ADAMTS16: variants seen among roughly 807,000 people sequenced by gnomAD.
The protein encoded by ADAMTS16 is A disintegrin and metalloproteinase with thrombospondin motifs 16.
In ADAMTS16, 94 loss-of-function variants were observed where a neutral mutation model predicts 145.8. The ratio of observed to expected loss-of-function variants is 0.64; its 90% confidence interval spans 0.55 to 0.77. ADAMTS16 has a LOEUF of 0.77. Among genes scored for constraint, ADAMTS16 ranks in the 30% least tolerant of loss-of-function variants. The pLI is 0.00. For missense variants in ADAMTS16, 1,585 were observed against 1,591.5 expected (o/e 1.00, Z 0.07); for synonymous variants, 659 against 604.3 (o/e 1.09, Z -1.33).
chr5:5,180,852 T>A (rs1489438707), intron 3 of ADAMTS16, among the ~76,000 whole-genome samples: 1 of 152,220 alleles, frequency 6.6e-6, no homozygotes, highest in African/African-American at 2.4e-5. Flanking sequence ...AAGGGGGCAC[T>A]GATGCCTTAC....
intron 3 of ADAMTS16, among the ~76,000 whole-genome samples, chr5:5,173,807 G>T (rs562523102): frequency 2.2e-4 from 34 of 152,240 alleles, no homozygotes; most frequent in Non-Finnish European, 1.9e-4. Context: ...AACAAACTAA[G>T]AAACAAGTAA....
At chr5:5,293,831 G>A (rs891856998) in intron 18 of ADAMTS16, among the ~76,000 whole-genome samples, 1 of 152,198 alleles carries the variant, frequency 6.6e-6, no homozygotes, top group South Asian at 2.1e-4. Flanking sequence ...CGTAAAGGAA[G>A]CAACACCAGA....
chr5:5,311,543 GCTC>G (rs1369796242), intron 21 of ADAMTS16, among the ~76,000 whole-genome samples: 1 of 100,318 alleles, frequency 1.0e-5, no homozygotes, highest in Non-Finnish European at 1.8e-5. Context: ...GTATTAGTCT[GCTC>G]CTTTTTTTTT....
At chr5:5,303,504 G>A (rs929935205) in intron 19 of ADAMTS16, 35 bp downstream of exon 19, 3 of 1,607,392 alleles carry the variant, frequency 1.9e-6, no homozygotes, top group African/African-American at 1.3e-5. Flanking sequence ...GTGGCAGCAG[G>A]GCCCCTGCAT....
intron 11 of ADAMTS16, among the ~76,000 whole-genome samples, chr5:5,228,782 T>G (rs143256662): frequency 3.5e-4 from 53 of 152,358 alleles, no homozygotes; most frequent in African/African-American, 7.9e-4. Flanking sequence ...CGTGCTAGCA[T>G]TCTTAGATAT....
chr5:5,240,038 A>C, intron 16 of ADAMTS16, 113 bp downstream of exon 16: 1 of 1,484,122 alleles, frequency 6.7e-7, no homozygotes, highest in Non-Finnish European at 9.0e-7. Context: ...TTATAAAAAG[A>C]GTGATCCATC....
At chr5:5,214,139 C>G (rs1453514282) in intron 10 of ADAMTS16, among the ~76,000 whole-genome samples, 1 of 152,194 alleles carries the variant, frequency 6.6e-6, no homozygotes, top group Non-Finnish European at 1.5e-5. Context: ...TCGAGCATCA[C>G]AGTACTGTGT....
At chr5:5,191,995 CT>C (rs72647750) in intron 8 of ADAMTS16, among the ~76,000 whole-genome samples, 24,008 of 152,086 alleles carry the variant, frequency 0.16, 2,087 homozygotes, top group Middle Eastern at 0.21. Context: ...TATTTATTTA[CT>C]TTATTTTGAG....
intron 14 of ADAMTS16, among the ~76,000 whole-genome samples, chr5:5,237,322 G>A (rs1369604315): frequency 6.6e-6 from 1 of 152,210 alleles, no homozygotes; most frequent in Non-Finnish European, 1.5e-5. Context: ...TTCTGTCTTA[G>A]ATATGGGTCT....
intron 18 of ADAMTS16, among the ~76,000 whole-genome samples, chr5:5,281,058 TC>T (rs1738886794): frequency 6.6e-6 from 1 of 152,240 alleles, no homozygotes; most frequent in Non-Finnish European, 1.5e-5. Context: ...TAATGACAGT[TC>T]TTTAAAAAGA....
At chr5:5,313,879 C>A (rs1171111040) in intron 21 of ADAMTS16, among the ~76,000 whole-genome samples, 1 of 152,242 alleles carries the variant, frequency 6.6e-6, no homozygotes, top group Non-Finnish European at 1.5e-5. Context: ...GAACCCTGAT[C>A]TAGTCTCCCA....
chr5:5,155,947 G>C (rs148123354), intron 3 of ADAMTS16, among the ~76,000 whole-genome samples: 1 of 152,232 alleles, frequency 6.6e-6, no homozygotes, highest in East Asian at 1.9e-4. Flanking sequence ...CAGAAAGTGA[G>C]GAGGCAGATA....
chr5:5,191,556 T>C, intron 7 of ADAMTS16, 129 bp from the exon 8 acceptor site: 1 of 732,908 alleles, frequency 1.4e-6, no homozygotes, highest in Non-Finnish European at 2.3e-6. Context: ...GTTGTCTAAG[T>C]GTTTCCCATT....
At chr5:5,246,128 T>A in intron 17 of ADAMTS16, among the ~76,000 whole-genome samples, 1 of 152,210 alleles carries the variant, frequency 6.6e-6, no homozygotes, top group East Asian at 1.9e-4. Context: ...TTATATACGC[T>A]GTCATCTTTT....
chr5:5,251,544 A>G (rs1002644100), intron 17 of ADAMTS16, among the ~76,000 whole-genome samples: 2 of 152,244 alleles, frequency 1.3e-5, no homozygotes, highest in Admixed American at 6.5e-5. Context: ...TTCTGTTGGG[A>G]AAACCCTGAC....
At chr5:5,267,802 AG>A (rs965540223) in intron 18 of ADAMTS16, among the ~76,000 whole-genome samples, 15 of 152,342 alleles carry the variant, frequency 9.8e-5, no homozygotes, top group African/African-American at 3.6e-4. Context: ...CCATGGGCAC[AG>A]GCCCGAGAGT....
intron 18 of ADAMTS16, among the ~76,000 whole-genome samples, chr5:5,281,744 T>C (rs11739558): frequency 0.97 from 148,174 of 152,336 alleles, 72,193 homozygotes; most frequent in East Asian, 1. Flanking sequence ...ACATGCTTAA[T>C]CCACTACCCT....
chr5:5,147,288 C>G (rs1734329379), intron 3 of ADAMTS16, among the ~76,000 whole-genome samples: 1 of 152,126 alleles, frequency 6.6e-6, no homozygotes, highest in African/African-American at 2.4e-5. Flanking sequence ...GTGTGGTCAA[C>G]AGTTCAAGGT....
intron 17 of ADAMTS16, among the ~76,000 whole-genome samples, chr5:5,250,589 G>A (rs1364338458): frequency 2.0e-5 from 3 of 152,198 alleles, no homozygotes; most frequent in Non-Finnish European, 4.4e-5. Context: ...AGGCCCAGGA[G>A]CAGGACCCTG....
Sources: gnomAD v4.1 joint callset for allele counts (sites outside exome capture counted in the v4.1 genomes callset) on GRCh38, gnomAD v4.1.1 for gene constraint, MANE v1.5 for transcripts, NCBI Gene and HGNC (gene_info 2026-07-23, HGNC 2026-07-21) for gene names.